The following BCAR3 variants were observed in gnomAD, a reference collection of about 807,000 sequenced individuals.
BCAR3 encodes the protein breast cancer anti-estrogen resistance protein 3.
BCAR3 carries 37 observed loss-of-function variants against 80.1 expected under a neutral mutation model. That is an observed-to-expected ratio of 0.46 (90% confidence interval 0.36 to 0.61). The LOEUF is 0.61. BCAR3 is among the 20% of genes least tolerant of loss of function. The pLI, the probability that BCAR3 is intolerant of heterozygous loss-of-function variation, is 0.00. For missense variants in BCAR3, 978 were observed against 1,068.2 expected (o/e 0.92, Z 1.18); for synonymous variants, 389 against 418.9 (o/e 0.93, Z 0.87).
intron 8 of BCAR3, among the ~76,000 whole-genome samples, chr1:93,573,609 T>TTTTTATTATTATTATTA (rs760911546): frequency 2.1e-5 from 3 of 142,810 alleles, no homozygotes; most frequent in African/African-American, 8.1e-5. Flanking sequence ...AAAATATATT[T>TTTTTATTATTATTATTA]TTATTATTAT....
chr1:93,583,708 A>G (rs1471450479), intron 6 of BCAR3, among the ~76,000 whole-genome samples: 1 of 152,174 alleles, frequency 6.6e-6, no homozygotes, highest in African/African-American at 2.4e-5. Context: ...CTTGAATCAG[A>G]AAACCTGGGT....
At chr1:93,699,576 C>T (rs1249059076) in intron 3 of BCAR3, among the ~76,000 whole-genome samples, 1 of 152,088 alleles carries the variant, frequency 6.6e-6, no homozygotes, top group Non-Finnish European at 1.5e-5. Flanking sequence ...CTCTCCTCCT[C>T]CCGGCCCCAT....
chr1:93,762,409 T>C (rs905224799), intron 2 of BCAR3, among the ~76,000 whole-genome samples: 12 of 152,162 alleles, frequency 7.9e-5, no homozygotes, highest in Non-Finnish European at 1.6e-4. Flanking sequence ...ATGGTGACCA[T>C]AGAATTGGGT....
intron 2 of BCAR3, among the ~76,000 whole-genome samples, chr1:93,789,261 C>A (rs942229302): frequency 1.3e-5 from 2 of 152,198 alleles, no homozygotes; most frequent in African/African-American, 4.8e-5. Context: ...CAGGCACAAG[C>A]CACTACACCC....
rs1673017240 is a variant in BCAR3 at position 93,567,768 on chromosome 1, G to T, written c.2058C>A (p.Pro686=). The T allele has an allele frequency of 6.2e-7, 1 of 1,614,098 alleles. No homozygotes were observed. The highest frequency in any genetic ancestry group is 8.5e-7 in the Non-Finnish European group (1 of 1,180,038). The change falls in exon 10 of 12, where the codon CCC becomes CCA. Residue 686 remains proline, a synonymous_variant. Transcript: ENST00000260502. ...TGCCTTCATGCAGGAGTTTGCTGAAGGGCTTCAGCTGTTTCTCATAGAGAA... is the reference window on the plus strand; with the variant it reads ...TGCCTTCATGCAGGAGTTTGCTGAATGGCTTCAGCTGTTTCTCATAGAGAA... ...TAILYEKQLK[P]FSKLLHEGRE...
chr1:93,763,359 A>C (rs1652024086), intron 2 of BCAR3, among the ~76,000 whole-genome samples: 1 of 152,180 alleles, frequency 6.6e-6, no homozygotes, highest in Admixed American at 6.5e-5. Context: ...CATTGCAGCC[A>C]GCCTGCTAAC....
At chr1:93,643,695 C>A (rs529853553) in intron 2 of BCAR3, among the ~76,000 whole-genome samples, 3 of 150,998 alleles carry the variant, frequency 2.0e-5, no homozygotes, top group Non-Finnish European at 2.9e-5. Context: ...GTAGGATGAA[C>A]AAGCATAGAG....
intron 3 of BCAR3, among the ~76,000 whole-genome samples, chr1:93,627,616 C>A (rs1675490957): frequency 6.6e-6 from 1 of 152,138 alleles, no homozygotes; most frequent in Non-Finnish European, 1.5e-5. Context: ...TCATTCTTAC[C>A]ACAAATGTAC....
intron 2 of BCAR3, among the ~76,000 whole-genome samples, chr1:93,754,966 TG>T (rs1329152357): frequency 2.0e-5 from 3 of 152,162 alleles, no homozygotes. Context: ...GACCTTCCAG[TG>T]GGACAAGATG....
At chr1:93,612,471 A>G (rs553135479) in intron 3 of BCAR3, among the ~76,000 whole-genome samples, 30 of 152,248 alleles carry the variant, frequency 2.0e-4, no homozygotes, top group African/African-American at 6.5e-4. Context: ...CAGGTACCCA[A>G]ACAGAAACTC....
At chr1:93,749,889 AT>A (rs368121693) in intron 2 of BCAR3, among the ~76,000 whole-genome samples, 10,143 of 133,304 alleles carry the variant, frequency 0.076, 303 homozygotes, top group African/African-American at 0.085. Flanking sequence ...ATCTTGACTT[AT>A]TTTTTTTTTT....
chr1:93,713,059 T>G (rs1163066746), intron 2 of BCAR3, among the ~76,000 whole-genome samples: 1 of 152,260 alleles, frequency 6.6e-6, no homozygotes, highest in African/African-American at 2.4e-5. Flanking sequence ...TTCTCTGCAC[T>G]GTCCACTATG....
At position 93,576,083 on chromosome 1, in the gene BCAR3, C is replaced by T. The variant is rs767337640; in HGVS notation, c.1733G>A (p.Gly578Glu). 6.2e-7 allele frequency: 1 copy of T among 1,614,132 alleles called. No homozygotes were observed. Among genetic ancestry groups the T allele is most frequent in the Non-Finnish European group, 8.5e-7 (1 of 1,180,026 alleles). ...GVSEEMRRNMGVSSGLELITL... is the reference protein window; with the variant it reads ...GVSEEMRRNMEVSSGLELITL... The stretch of plus-strand genomic sequence containing the variant: ...AATGAGTTCCAGGCCTGAGCTCACC[C>T]CCATGTTCCTCCTCATCTCTTCAGA... Residue 578 changes from glycine (G) to glutamate (E), a missense_variant, in exon 8 of 12, where the codon GGG (glycine) becomes GAG (glutamate). Physicochemically the swap from Gly to Glu is moderately conservative, Grantham distance 98. Transcript: ENST00000260502.
In BCAR3 at chr1:93,592,067, G is replaced by A; in HGVS notation, c.486+198C>T. On this transcript the variant is annotated intron_variant, in intron 4 of 11. Coordinates refer to ENST00000260502, the MANE Select transcript of BCAR3 (RefSeq NM_003567.4). This position sits in a 1 kb window ranked among gnomAD's most constrained non-coding sequence, Gnocchi z 4.8. ...CTTCACTTCCTGAACATGTGGATGT[G>A]TGCTTTGGGTTCTTGACCTCAGCTC... 1 of 676,038 alleles carries A rather than the reference G, an allele frequency of 1.5e-6. No individual in the cohort carries two copies. The highest frequency in any genetic ancestry group is 2.0e-5 in the South Asian group (1 of 50,082). The allele number at this position is 676,038 out of a possible 1,614,324, so 41.9% of individuals were successfully genotyped here. A position where few individuals can be genotyped will look rare whatever the true frequency, so the allele number is the denominator to read the frequency against.
In BCAR3 at chr1:93,675,914, G is replaced by T. The variant is rs1019928877; in HGVS notation, c.-11-973C>A. ...TTTAAGGCCAACACACAGAGGAAAA[G>T]AAATAGGAGACAAAAAAAAAAAAAA... is the stretch of plus-strand genomic sequence containing the variant. On this transcript the variant is annotated intron_variant, in intron 1 of 11. Transcript: ENST00000260502. 3.2e-4 allele frequency among the ~76,000 whole-genome samples: 16 copies of T among 49,298 alleles called. 2 individuals carry two copies. The highest frequency in any genetic ancestry group is 2.8e-3 in the Admixed American group (9 of 3,256). 32.3% of individuals were successfully genotyped at this position (49,298 alleles called of 152,430 possible). A position where few individuals can be genotyped will look rare whatever the true frequency, so the allele number is the denominator to read the frequency against.
chr1:93,757,730 C>G (rs1021899732), intron 2 of BCAR3, among the ~76,000 whole-genome samples: 1 of 152,184 alleles, frequency 6.6e-6, no homozygotes, highest in African/African-American at 2.4e-5. Context: ...GCTTCTCCCA[C>G]CACACAGCTT....
chr1:93,688,368 G>A (rs1051438287), intron 3 of BCAR3, among the ~76,000 whole-genome samples: 18 of 151,818 alleles, frequency 1.2e-4, no homozygotes, highest in Non-Finnish European at 2.2e-4. Flanking sequence ...TCTTATCACC[G>A]GACTCTGGAG....
chr1:93,589,862 T>A lies in BCAR3; in HGVS notation c.487-443A>T, dbSNP rs530581650. Among the ~76,000 whole-genome samples the A allele has an allele frequency of 4.6e-5, 7 of 152,292 alleles. No homozygotes were observed. In the South Asian group the frequency reaches 1.5e-3, roughly 32 times the overall value. ...TGGTTGGGGAGGTGTCACAAGAACA[T>A]GACGTTTATACAGACCTGAATGATG... On this transcript the variant is annotated intron_variant, in intron 4 of 11. Transcript: ENST00000260502.
chr1:93,634,750 CTCTCT>C (rs1240581824), intron 3 of BCAR3, among the ~76,000 whole-genome samples: 4 of 151,944 alleles, frequency 2.6e-5, no homozygotes, highest in South Asian at 2.1e-4. Context: ...CCTGCACAAG[CTCTCT>C]TCTCTTGTCT....
Sources: gnomAD v4.1 joint callset for allele counts (sites outside exome capture counted in the v4.1 genomes callset) on GRCh38, gnomAD v4.1.1 for gene constraint, Gnocchi (gnomAD v3.1) non-coding constraint, MANE v1.5 for transcripts, NCBI Gene and HGNC (gene_info 2026-07-23, HGNC 2026-07-21) for gene names.